The following NFIC variants were observed in gnomAD, a reference collection of about 807,000 sequenced individuals.
The protein encoded by NFIC is nuclear factor I C, also known as nuclear factor 1 C-type.
In NFIC, 12 loss-of-function variants were observed where a neutral mutation model predicts 54.4. The ratio of observed to expected loss-of-function variants is 0.22; its 90% confidence interval spans 0.14 to 0.36. The LOEUF (loss-of-function observed/expected upper bound fraction) is 0.36. NFIC is among the 10% of genes least tolerant of loss of function. The pLI, the probability that NFIC is intolerant of heterozygous loss-of-function variation, is 1.00. For synonymous variants in NFIC, 322 were observed against 319.2 expected, an observed-to-expected ratio of 1.01 and a Z score of -0.09; for missense variants, 575 against 718.2, an observed-to-expected ratio of 0.80 and a Z score of 2.28.
At chr19:3,422,624 G>GGA (rs1451655892) in intron 2 of NFIC, among the ~76,000 whole-genome samples, 1 of 151,896 alleles carries the variant, frequency 6.6e-6, no homozygotes, top group Non-Finnish European at 1.5e-5. Flanking sequence ...GACTGAGGCA[G>GGA]GAGAATGGCG....
chr19:3,394,807 G>A lies in NFIC; in HGVS notation c.562+12564G>A, dbSNP rs149112700. On this transcript the variant is annotated intron_variant, in intron 2 of 10. Transcript: ENST00000443272. ...GTGCCCCTACGAGCATGAACCCCAT[G>A]GTGAACTGAACATAGGAGGGATCCA... Among the ~76,000 whole-genome samples the A allele has an allele frequency of 2.0e-3, 305 of 152,018 alleles. 2 individuals are homozygous for A. Among genetic ancestry groups the A allele is most frequent in the African/African-American group, 7.0e-3 (290 of 41,462 alleles).
At chr19:3,448,492 G>C (rs2082405707) in intron 6 of NFIC, among the ~76,000 whole-genome samples, 1 of 152,188 alleles carries the variant, frequency 6.6e-6, no homozygotes, top group African/African-American at 2.4e-5. Flanking sequence ...TGTCTGCAGA[G>C]TGATGCCAGC....
chr19:3,434,144 C>T, intron 4 of NFIC, 133 bp from the exon 5 acceptor site: 1 of 1,381,378 alleles, frequency 7.2e-7, no homozygotes, highest in South Asian at 1.4e-5. Context: ...GTTTCAGCCA[C>T]CCTAGGAACC....
Position 3,463,008 on chromosome 19 carries a change from G to A in NFIC, c.*239G>A. 1 of 1,391,440 alleles carries A rather than the reference G, an allele frequency of 7.2e-7. No homozygotes were observed. The allele number at this position is 1,391,440 out of a possible 1,614,324, so 86.2% of individuals were successfully genotyped here. On this transcript the variant is annotated 3_prime_UTR_variant, in exon 11 of 11. Coordinates refer to ENST00000443272, the MANE Select transcript of NFIC (RefSeq NM_001245002.2). ...ACCCACCCAAGCAAGAAGACAAAAG[G>A]TAAAGACGCAACGTTTCCAACTCTC... is the stretch of plus-strand genomic sequence containing the variant.
Position 3,370,715 on chromosome 19 carries a change from C to T in NFIC, c.30+4049C>T, listed in dbSNP as rs962447790. On this transcript the variant is annotated intron_variant, in intron 1 of 10. Transcript: ENST00000443272. The surrounding 1 kb of genome is among the most constrained non-coding windows in gnomAD (Gnocchi z 5.2). The stretch of plus-strand genomic sequence containing the variant: ...CTGTCTGTCTCTTTCTTTCTCCCTC[C>T]CTTCCTCTCTCTCTGTTCCTCCTCT... 1.3e-5 allele frequency among the ~76,000 whole-genome samples: 2 copies of T among 151,128 alleles called. No homozygotes were observed. Among genetic ancestry groups the T allele is most frequent in the Non-Finnish European group, 2.9e-5 (2 of 67,846 alleles).
chr19:3,433,845 C>G (rs997425404), intron 4 of NFIC, among the ~76,000 whole-genome samples: 8 of 152,162 alleles, frequency 5.3e-5, no homozygotes, highest in African/African-American at 1.9e-4. Context: ...AGCATCCCTC[C>G]TCCTCCCTGG....
At chr19:3,388,656 C>A (rs867218105) in intron 2 of NFIC, among the ~76,000 whole-genome samples, 1 of 150,944 alleles carries the variant, frequency 6.6e-6, no homozygotes, top group East Asian at 1.9e-4. Flanking sequence ...GACCATGCCC[C>A]CCCCCAACAA....
intron 2 of NFIC, among the ~76,000 whole-genome samples, chr19:3,417,137 G>T (rs1377904207): frequency 6.6e-6 from 1 of 150,874 alleles, no homozygotes; most frequent in Non-Finnish European, 1.5e-5. Flanking sequence ...CGCCCGCCTT[G>T]GCCTCCCAAA....
At chr19:3,378,706 G>A (rs1323176786) in intron 1 of NFIC, among the ~76,000 whole-genome samples, 1 of 152,176 alleles carries the variant, frequency 6.6e-6, no homozygotes, top group Admixed American at 6.5e-5. Flanking sequence ...CAGTCTCAGC[G>A]CCTTCCCAGC....
At chr19:3,412,753 A>G (rs1260625683) in intron 2 of NFIC, among the ~76,000 whole-genome samples, 3 of 152,196 alleles carry the variant, frequency 2.0e-5, no homozygotes, top group Non-Finnish European at 4.4e-5. Context: ...CCATCCGTAC[A>G]TGCAGATGTC....
At chr19:3,420,966 A>T (rs1599656464) in intron 2 of NFIC, among the ~76,000 whole-genome samples, 1 of 152,016 alleles carries the variant, frequency 6.6e-6, no homozygotes, top group African/African-American at 2.4e-5. Context: ...TAGGTGATCC[A>T]CCCACGTTGG....
At chr19:3,449,236 C>T in intron 7 of NFIC, 97 bp downstream of exon 7, 2 of 1,490,378 alleles carry the variant, frequency 1.3e-6, no homozygotes, top group South Asian at 1.3e-5. Flanking sequence ...ACCATGAGTC[C>T]TATTGCTGTA....
intron 6 of NFIC, among the ~76,000 whole-genome samples, chr19:3,442,308 G>A (rs1455090322): frequency 6.6e-6 from 1 of 152,140 alleles, no homozygotes; most frequent in Non-Finnish European, 1.5e-5. Flanking sequence ...CCGTCCACAG[G>A]CGGTTATTAC....
chr19:3,426,222 C>T (rs1414515842), intron 3 of NFIC, among the ~76,000 whole-genome samples: 3 of 151,788 alleles, frequency 2.0e-5, no homozygotes, highest in South Asian at 2.1e-4. Flanking sequence ...CATGAGCCAC[C>T]GCGCCTGGCT....
chr19:3,398,780 C>CG (rs1278647621), intron 2 of NFIC, among the ~76,000 whole-genome samples: 1 of 152,116 alleles, frequency 6.6e-6, no homozygotes, highest in African/African-American at 2.4e-5. Flanking sequence ...CAAGGGCAGC[C>CG]GGCCCGCTTA....
At chr19:3,374,477 C>T (rs558080985) in intron 1 of NFIC, among the ~76,000 whole-genome samples, 3 of 152,284 alleles carry the variant, frequency 2.0e-5, no homozygotes, top group South Asian at 2.1e-4. Flanking sequence ...GTGATCTGTT[C>T]CCCAGCCATT....
At chr19:3,444,306 G>A (rs2082338143) in intron 6 of NFIC, among the ~76,000 whole-genome samples, 1 of 152,232 alleles carries the variant, frequency 6.6e-6, no homozygotes, top group Non-Finnish European at 1.5e-5. Context: ...GCTCTGATGG[G>A]GGAGCCCTCG....
chr19:3,411,306 C>G (rs2081754223), intron 2 of NFIC: 1 of 148,776 alleles, frequency 6.7e-6, no homozygotes, highest in Admixed American at 6.8e-5. Context: ...AGGTGTGAGC[C>G]ACCATGCCCA....
intron 2 of NFIC, among the ~76,000 whole-genome samples, chr19:3,424,848 C>T (rs1172686862): frequency 1.3e-5 from 2 of 152,216 alleles, no homozygotes; most frequent in Admixed American, 6.5e-5. Context: ...AGGGCTTACC[C>T]AACATACGGG....
Sources: gnomAD v4.1 joint callset for allele counts (sites outside exome capture counted in the v4.1 genomes callset) on GRCh38, gnomAD v4.1.1 for gene constraint, Gnocchi (gnomAD v3.1) non-coding constraint, MANE v1.5 for transcripts, NCBI Gene and HGNC (gene_info 2026-07-23, HGNC 2026-07-21) for gene names.